LARGE1: variants seen among roughly 807,000 people sequenced by gnomAD.
The protein encoded by LARGE1 is xylosyl- and glucuronyltransferase LARGE1.
In LARGE1, 43 loss-of-function variants were observed where a neutral mutation model predicts 87.6. The observed-to-expected ratio is 0.49, with a 90% CI of 0.38 to 0.63. LARGE1 has a LOEUF of 0.63. Ranked by LOEUF, LARGE1 falls within the 30% of genes least tolerant of loss-of-function variation. The probability of loss-of-function intolerance (pLI) is 0.00; values close to 1 mark genes in which losing one functional copy is unlikely to be tolerated. For missense variants in LARGE1, 802 were observed against 1,000.2 expected (o/e 0.80, Z 2.67); for synonymous variants, 434 against 394.6 (o/e 1.10, Z -1.18).
At chr22:33,687,968 C>T (rs1392280561) in intron 2 of LARGE1, among the ~76,000 whole-genome samples, 5 of 152,216 alleles carry the variant, frequency 3.3e-5, no homozygotes, top group African/African-American at 1.2e-4. Context: ...CCCACCACAA[C>T]CTCACATGGA....
At chr22:33,673,511 A>C (rs2081477693) in intron 2 of LARGE1, among the ~76,000 whole-genome samples, 1 of 152,160 alleles carries the variant, frequency 6.6e-6, no homozygotes, top group Non-Finnish European at 1.5e-5. Flanking sequence ...TCTTGTCAAA[A>C]AAATTATTAA....
the LARGE1 span, among the ~76,000 whole-genome samples, chr22:33,099,439 G>A: frequency 6.6e-6 from 1 of 152,046 alleles, no homozygotes; most frequent in Non-Finnish European, 1.5e-5. Context: ...TTTTAGTAGA[G>A]ACAGGGTTTC....
chr22:33,152,327 A>C, the LARGE1 span, among the ~76,000 whole-genome samples: 1 of 152,136 alleles, frequency 6.6e-6, no homozygotes, highest in African/African-American at 2.4e-5. Flanking sequence ...GCTGACCAAA[A>C]CTGCACCTCT....
intron 13 of LARGE1, among the ~76,000 whole-genome samples, chr22:33,281,092 A>T (rs1403400370): frequency 6.6e-6 from 1 of 152,170 alleles, no homozygotes; most frequent in Admixed American, 6.5e-5. Context: ...AGGTGACAAT[A>T]GCAATTTCTC....
chr22:33,626,215 A>G, intron 4 of LARGE1, 29 bp downstream of exon 4: 1 of 1,593,162 alleles, frequency 6.3e-7, no homozygotes, highest in East Asian at 2.2e-5. Context: ...GACAGACCTC[A>G]GCCCACACAG....
At chr22:33,133,882 T>C in the LARGE1 span, among the ~76,000 whole-genome samples, 1 of 152,238 alleles carries the variant, frequency 6.6e-6, no homozygotes, top group African/African-American at 2.4e-5. Context: ...AGAGAATGTG[T>C]GCTGGGTTAA....
chr22:33,413,728 G>A (rs908937042), intron 7 of LARGE1, among the ~76,000 whole-genome samples: 1 of 152,008 alleles, frequency 6.6e-6, no homozygotes, highest in African/African-American at 2.4e-5. Flanking sequence ...GCCTCCCAAA[G>A]TGCTGGGATT....
the LARGE1 span, among the ~76,000 whole-genome samples, chr22:33,085,241 A>C: frequency 7.2e-5 from 11 of 152,242 alleles, no homozygotes; most frequent in Non-Finnish European, 1.6e-4. Context: ...GCGCCACTGC[A>C]CTCTAGCTTG....
chr22:33,237,939 C>T (rs1017643642), intron 11 of LARGE1, among the ~76,000 whole-genome samples: 3 of 152,176 alleles, frequency 2.0e-5, no homozygotes, highest in African/African-American at 7.2e-5. Flanking sequence ...AGGCTGACAT[C>T]ACATTCAGAG....
the LARGE1 span, among the ~76,000 whole-genome samples, chr22:33,139,158 C>CT: frequency 6.6e-6 from 1 of 152,092 alleles, no homozygotes; most frequent in Non-Finnish European, 1.5e-5. Context: ...AACCCTTTTC[C>CT]TTTATAAATT....
At chr22:33,119,126 A>C in the LARGE1 span, among the ~76,000 whole-genome samples, 1 of 152,200 alleles carries the variant, frequency 6.6e-6, no homozygotes, top group Non-Finnish European at 1.5e-5. Flanking sequence ...TGTCCTTTTA[A>C]AAATATGGCT....
At chr22:33,850,912 A>T (rs1433337075) in intron 1 of LARGE1, among the ~76,000 whole-genome samples, 3 of 152,158 alleles carry the variant, frequency 2.0e-5, no homozygotes, top group Admixed American at 2.0e-4. Context: ...GTCTTAAAAA[A>T]AAAGACACCA....
intron 7 of LARGE1, among the ~76,000 whole-genome samples, chr22:33,417,957 C>CT (rs912706537): frequency 2.0e-5 from 3 of 151,972 alleles, no homozygotes; most frequent in South Asian, 2.1e-4. Flanking sequence ...ATTCTCTGCT[C>CT]TTTTTTTTGA....
At chr22:33,165,529 A>G (rs1339495756) in exon 12 of LARGE1, 1 of 152,192 alleles carries the variant, frequency 6.6e-6, no homozygotes, top group African/African-American at 2.4e-5. Context: ...CTGTACTTCA[A>G]AATCATCTAG....
At chr22:33,662,005 G>A (rs1422864190) in intron 2 of LARGE1, among the ~76,000 whole-genome samples, 2 of 150,354 alleles carry the variant, frequency 1.3e-5, no homozygotes, top group East Asian at 2.0e-4. Flanking sequence ...TGGCTTCCCT[G>A]GGCCACACTG....
At chr22:33,635,049 T>TG (rs1381908887) in intron 3 of LARGE1, among the ~76,000 whole-genome samples, 2 of 147,478 alleles carry the variant, frequency 1.4e-5, no homozygotes, top group East Asian at 4.0e-4. Flanking sequence ...ACCCGGGAGG[T>TG]GGGGGCTGCA....
intron 11 of LARGE1, among the ~76,000 whole-genome samples, chr22:33,307,086 T>C (rs1168307470): frequency 6.6e-6 from 1 of 152,190 alleles, no homozygotes; most frequent in Non-Finnish European, 1.5e-5. Context: ...TGCCAGGACC[T>C]GAACAACTGT....
At chr22:33,915,431 T>G (rs1223326364) in intron 1 of LARGE1, among the ~76,000 whole-genome samples, 5 of 147,670 alleles carry the variant, frequency 3.4e-5, no homozygotes, top group Non-Finnish European at 7.4e-5. Flanking sequence ...CACCTAAGTG[T>G]TTTTTTTTTC....
chr22:33,439,423 C>G (rs535142094), intron 6 of LARGE1, among the ~76,000 whole-genome samples: 2 of 152,228 alleles, frequency 1.3e-5, no homozygotes, highest in South Asian at 4.2e-4. Context: ...TCTCACCCCA[C>G]TCCACCTTTC....
Sources: allele counts gnomAD v4.1 joint callset (sites outside exome capture counted in the v4.1 genomes callset), GRCh38; gene constraint gnomAD v4.1.1; transcripts MANE v1.5; gene names NCBI Gene and HGNC (gene_info 2026-07-23, HGNC 2026-07-21).